The following LIMA1 variants were observed in gnomAD, a reference collection of about 807,000 sequenced individuals.
LIMA1 encodes the protein LIM domain and actin binding 1, also known as LIM domain and actin-binding protein 1.
LIMA1 carries 52 observed loss-of-function variants against 62.6 expected under a neutral mutation model. That is an observed-to-expected ratio of 0.83 (90% CI 0.67 to 1.05). LIMA1 has a LOEUF of 1.05. LIMA1 is among the 50% of genes least tolerant of loss of function. LIMA1 has a pLI of 0.00. For missense variants in LIMA1, 780 were observed against 902.2 expected (o/e 0.86, Z 1.74); for synonymous variants, 302 against 317.8 (o/e 0.95, Z 0.53).
At chr12:50,185,309 G>A (rs1305228088) in intron 9 of LIMA1, 3 of 453,534 alleles carry the variant, frequency 6.6e-6, no homozygotes, top group African/African-American at 2.0e-5. Context: ...ACGGAGGGGA[G>A]GCACACACTG....
intron 7 of LIMA1, among the ~76,000 whole-genome samples, chr12:50,196,548 C>G (rs1940934472): frequency 6.6e-6 from 1 of 152,184 alleles, no homozygotes; most frequent in Admixed American, 6.5e-5. Context: ...TAAAAGAACT[C>G]TCTATTAGAG....
intron 1 of LIMA1, among the ~76,000 whole-genome samples, chr12:50,251,858 C>T (rs1367526188): frequency 2.0e-5 from 3 of 152,120 alleles, no homozygotes; most frequent in African/African-American, 7.2e-5. Context: ...CTCACCCTGA[C>T]CACACTTGTC....
intron 4 of LIMA1, among the ~76,000 whole-genome samples, chr12:50,213,109 T>A (rs1178886746): frequency 1.3e-5 from 2 of 152,120 alleles, no homozygotes. Context: ...GGATTACAAG[T>A]GTGAGCCACC....
rs1459267275 is a variant in LIMA1, at chr12:50,200,771, A to G, written c.972+6T>C. On this transcript the variant is annotated splice_donor_region_variant and intron_variant, in intron 7 of 10. Transcript: ENST00000341247. ...TGGCAACTGGACATCAGACTTTTCA[A>G]CCTACCTTTTCCCCTTCCTGATGGG... The G allele has an allele frequency of 2.5e-6, 4 of 1,613,898 alleles. No individual in the cohort carries two copies. Among genetic ancestry groups the G allele is most frequent in the Non-Finnish European group, 3.4e-6 (4 of 1,179,890 alleles).
At chr12:50,278,919 A>T (rs1293512714) in intron 1 of LIMA1, among the ~76,000 whole-genome samples, 1 of 152,102 alleles carries the variant, frequency 6.6e-6, no homozygotes, top group Non-Finnish European at 1.5e-5. Context: ...ATATCAAATG[A>T]TAGATCTCTC....
chr12:50,280,850 T>A (rs1166045090), intron 1 of LIMA1, among the ~76,000 whole-genome samples: 1 of 152,202 alleles, frequency 6.6e-6, no homozygotes, highest in Non-Finnish European at 1.5e-5. Flanking sequence ...GAGATTACTG[T>A]ATGCAATCTA....
chr12:50,226,145 C>T (rs1171194956), intron 3 of LIMA1, among the ~76,000 whole-genome samples: 1 of 152,058 alleles, frequency 6.6e-6, no homozygotes, highest in Non-Finnish European at 1.5e-5. Context: ...CTCCTGGGCT[C>T]AAGTGATCCT....
chr12:50,274,884 G>A (rs1180790045), intron 1 of LIMA1, among the ~76,000 whole-genome samples: 1 of 152,104 alleles, frequency 6.6e-6, no homozygotes, highest in African/African-American at 2.4e-5. Context: ...CCTGAGGAAG[G>A]AATAATACAG....
chr12:50,213,973 A>T (rs1357699454), intron 4 of LIMA1, among the ~76,000 whole-genome samples: 1 of 151,638 alleles, frequency 6.6e-6, no homozygotes, highest in Non-Finnish European at 1.5e-5. Context: ...AACAGTTAAA[A>T]AGATTGGAAT....
rs1940362674 is a variant in LIMA1, at chr12:50,177,257, TG to T, written c.2086del (p.Gln696AsnfsTer10). On this transcript the variant is annotated frameshift_variant, in exon 11 of 11. Transcript: ENST00000341247. LOFTEE classifies it high-confidence loss of function. Reference protein sequence around the residue: ...SDEDDNSFLKQQSPQEPKSLN... With the variant: ...SDEDDNSFLKXQSPQEPKSLN... ...AGACTTGGGTTCTTGTGGAGATTGT[TG>T]TTTGAGGAAGCTGTTATCATCTTCA... 6.2e-7 allele frequency: 1 copy of T among 1,614,024 alleles called. No individual in the cohort carries two copies.
chr12:50,183,370 T>A (rs1940549614), intron 9 of LIMA1, among the ~76,000 whole-genome samples: 1 of 151,872 alleles, frequency 6.6e-6, no homozygotes, highest in South Asian at 2.1e-4. Flanking sequence ...CATCAGCAAT[T>A]AGGAGGTGCT....
chr12:50,203,351 C>A (rs17124534), intron 6 of LIMA1, among the ~76,000 whole-genome samples: 3,318 of 151,928 alleles, frequency 0.022, 118 homozygotes, highest in African/African-American at 0.077. Flanking sequence ...GTAGCATCAG[C>A]TTACCCGTTA....
At chr12:50,179,931 G>A (rs1004838782) in intron 10 of LIMA1, among the ~76,000 whole-genome samples, 6 of 151,750 alleles carry the variant, frequency 4.0e-5, no homozygotes, top group Non-Finnish European at 5.9e-5. Flanking sequence ...TTGGGAGGCC[G>A]AGGTGGGCAG....
chr12:50,205,737 G>A (rs1269229444), intron 5 of LIMA1, among the ~76,000 whole-genome samples: 2 of 150,832 alleles, frequency 1.3e-5, no homozygotes, highest in African/African-American at 4.9e-5. Context: ...AAAGCAGCCG[G>A]GCATGACGGC....
In LIMA1 at chr12:50,204,656, T is replaced by C. The variant is rs1565839359; in HGVS notation, c.760A>G (p.Arg254Gly). Residue 254 changes from arginine to glycine, a missense_variant, in exon 6 of 11, where the codon AGA (arginine) becomes GGA (glycine). Physicochemically the swap from Arg to Gly is moderately radical, Grantham distance 125. Coordinates refer to ENST00000341247, the MANE Select transcript of LIMA1 (RefSeq NM_016357.5). ...AGGCGTGGAAGTTCCAGATTTCGTCTACTCTCATTTTTCTCCGAGTCAAAT... is the reference window on the plus strand; with the variant it reads ...AGGCGTGGAAGTTCCAGATTTCGTCCACTCTCATTTTTCTCCGAGTCAAAT... ...STFDSEKNES[R>G]RNLELPRLSE... 1 of 1,614,234 alleles carries C rather than the reference T, an allele frequency of 6.2e-7. No homozygotes were observed. The highest frequency in any genetic ancestry group is 2.2e-5 in the East Asian group (1 of 44,888).
intron 7 of LIMA1, among the ~76,000 whole-genome samples, chr12:50,200,204 T>G (rs892538037): frequency 2.2e-5 from 3 of 138,192 alleles, no homozygotes; most frequent in Non-Finnish European, 3.1e-5. Flanking sequence ...CCGAATAGAT[T>G]TTTATTTTAT....
intron 2 of LIMA1, among the ~76,000 whole-genome samples, chr12:50,246,124 C>T (rs180725860): frequency 6.0e-4 from 90 of 150,484 alleles, no homozygotes; most frequent in African/African-American, 2.1e-3. Context: ...CCCAGCTACT[C>T]GGGAGGCTGA....
intron 1 of LIMA1, among the ~76,000 whole-genome samples, chr12:50,250,290 CAAAAAAAA>C (rs11327744): frequency 1.5e-5 from 1 of 64,616 alleles, no homozygotes; most frequent in African/African-American, 6.0e-5. Context: ...AACTCCGTTT[CAAAAAAAA>C]AAAAAAAAAA....
At position 50,190,530 on chromosome 12, in the gene LIMA1, G is replaced by A. The variant is rs1283721826; in HGVS notation, c.1140+1922C>T. Among the ~76,000 whole-genome samples, 4 of 126,878 alleles carry A rather than the reference G, an allele frequency of 3.2e-5. No individual in the cohort carries two copies. The South Asian group carries it at 1.1e-3, about 35-fold the overall frequency. The allele number at this position is 126,878 out of a possible 152,430, so 83.2% of individuals were successfully genotyped here. A position where few individuals can be genotyped will look rare whatever the true frequency, so the allele number is the denominator to read the frequency against. On this transcript the variant is annotated intron_variant, in intron 9 of 10. Coordinates refer to ENST00000341247, the MANE Select transcript of LIMA1 (RefSeq NM_016357.5). ...TTACAGGCATGTGCCACCATGCCCG[G>A]CTAATTTTTTTTTTTTTTTTTGTAC...
Sources: gnomAD v4.1 joint callset for allele counts (sites outside exome capture counted in the v4.1 genomes callset) on GRCh38, gnomAD v4.1.1 for gene constraint, MANE v1.5 for transcripts, NCBI Gene and HGNC (gene_info 2026-07-23, HGNC 2026-07-21) for gene names.